SLC39A10: variants seen among roughly 807,000 people sequenced by gnomAD.
SLC39A10 encodes zinc transporter ZIP10.
In SLC39A10, 13 loss-of-function variants were observed where a neutral mutation model predicts 65.1. The ratio of observed to expected loss-of-function variants is 0.20; its 90% CI spans 0.13 to 0.32. The LOEUF (loss-of-function observed/expected upper bound fraction) is 0.32, where lower values mean the gene tolerates loss of function less well. SLC39A10 is among the 10% of genes least tolerant of loss of function. The pLI, the probability that SLC39A10 is intolerant of heterozygous loss-of-function variation, is 1.00. For synonymous variants in SLC39A10, 321 were observed against 342.2 expected (o/e 0.94, Z 0.68); for missense variants, 831 against 1,018.4 (o/e 0.82, Z 2.50).
chr2:195,718,162 A>G, intron 7 of SLC39A10, 90 bp from the exon 8 acceptor site: 2 of 1,018,388 alleles, frequency 2.0e-6, no homozygotes, highest in Non-Finnish European at 3.0e-6. Flanking sequence ...ATTAATTTAG[A>G]TAGGCAAAAG....
chr2:195,722,167 A>G (rs905686114), intron 8 of SLC39A10, among the ~76,000 whole-genome samples: 1 of 152,204 alleles, frequency 6.6e-6, no homozygotes, highest in African/African-American at 2.4e-5. Context: ...GTTTTATCCC[A>G]CAAATCAGAG....
intron 3 of SLC39A10, among the ~76,000 whole-genome samples, chr2:195,697,531 C>T (rs1301210734): frequency 6.6e-6 from 1 of 152,006 alleles, no homozygotes; most frequent in African/African-American, 2.4e-5. Context: ...ATTAGTCACC[C>T]AGGTATTAAG....
At chr2:195,678,849 G>A (rs1195907131) in intron 1 of SLC39A10, among the ~76,000 whole-genome samples, 1 of 152,016 alleles carries the variant, frequency 6.6e-6, no homozygotes, top group East Asian at 1.9e-4. Context: ...TTGATTAGAT[G>A]TTGAAATTAT....
At chr2:195,711,948 C>T (rs1265412428) in intron 5 of SLC39A10, among the ~76,000 whole-genome samples, 2 of 151,900 alleles carry the variant, frequency 1.3e-5, no homozygotes, top group Non-Finnish European at 2.9e-5. Context: ...CTGTGAATGT[C>T]TTAACTCTTC....
intron 2 of SLC39A10, among the ~76,000 whole-genome samples, chr2:195,636,964 C>T (rs1688708530): frequency 6.6e-6 from 1 of 152,022 alleles, no homozygotes; most frequent in South Asian, 2.1e-4. Flanking sequence ...AAAATATTTA[C>T]CATTTGGGGC....
chr2:195,681,696 A>T (rs1480712694), intron 2 of SLC39A10, among the ~76,000 whole-genome samples: 1 of 152,054 alleles, frequency 6.6e-6, no homozygotes, highest in African/African-American at 2.4e-5. Flanking sequence ...TGTATTCCTT[A>T]TGAATTATTT....
chr2:195,665,974 ATG>A (rs1428129772), intron 1 of SLC39A10, among the ~76,000 whole-genome samples: 1 of 152,202 alleles, frequency 6.6e-6, no homozygotes, highest in African/African-American at 2.4e-5. Context: ...ATTTTATACA[ATG>A]TGCCATTGTA....
chr2:195,628,952 T>C (rs757975987), intron 2 of SLC39A10, among the ~76,000 whole-genome samples: 1 of 152,214 alleles, frequency 6.6e-6, no homozygotes, highest in Non-Finnish European at 1.5e-5. Context: ...TGATGTCTCT[T>C]GTGTATTAAT....
intron 2 of SLC39A10, among the ~76,000 whole-genome samples, chr2:195,646,762 A>G (rs1482473571): frequency 6.6e-6 from 1 of 152,192 alleles, no homozygotes; most frequent in East Asian, 1.9e-4. Flanking sequence ...AAGCAGCAGC[A>G]TTAAATTCTC....
intron 1 of SLC39A10, among the ~76,000 whole-genome samples, chr2:195,671,100 A>T (rs1171793738): frequency 2.6e-5 from 4 of 152,198 alleles, no homozygotes; most frequent in African/African-American, 9.6e-5. Flanking sequence ...CCCACACCAA[A>T]GTATAATCAC....
chr2:195,633,879 CAG>C (rs546925593), intron 2 of SLC39A10, among the ~76,000 whole-genome samples: 208 of 152,272 alleles, frequency 1.4e-3, no homozygotes, highest in African/African-American at 4.5e-3. Context: ...GGTGGGAAAA[CAG>C]AGATATCAGT....
chr2:195,730,918 T>G (rs1692413655), intron 9 of SLC39A10, among the ~76,000 whole-genome samples: 1 of 152,208 alleles, frequency 6.6e-6, no homozygotes, highest in African/African-American at 2.4e-5. Context: ...ACATCTTGTT[T>G]GCCAGAAAGT....
At chr2:195,668,743 ATGAGT>A (rs1689735866) in intron 1 of SLC39A10, among the ~76,000 whole-genome samples, 3 of 152,228 alleles carry the variant, frequency 2.0e-5, no homozygotes, top group African/African-American at 7.2e-5. Context: ...TTTTAGTGAA[ATGAGT>A]TAAGTAGATT....
At chr2:195,643,807 G>A (rs1688856863) in intron 2 of SLC39A10, among the ~76,000 whole-genome samples, 2 of 152,164 alleles carry the variant, frequency 1.3e-5, no homozygotes, top group East Asian at 1.9e-4. Flanking sequence ...ATGTATCTCT[G>A]CTAAATAAGA....
At chr2:195,659,558 C>A (rs1341467004) in intron 1 of SLC39A10, among the ~76,000 whole-genome samples, 1 of 152,160 alleles carries the variant, frequency 6.6e-6, no homozygotes, top group Non-Finnish European at 1.5e-5. Flanking sequence ...ATATTCTGTT[C>A]ACCCAACCCT....
intron 2 of SLC39A10, among the ~76,000 whole-genome samples, chr2:195,639,160 C>G (rs181701491): frequency 6.6e-6 from 1 of 152,120 alleles, no homozygotes; most frequent in South Asian, 2.1e-4. Context: ...CTATGTTGCC[C>G]AGGCTGGTGG....
intron 1 of SLC39A10, among the ~76,000 whole-genome samples, chr2:195,665,579 T>TA (rs941413444): frequency 6.6e-6 from 1 of 152,230 alleles, no homozygotes; most frequent in African/African-American, 2.4e-5. Flanking sequence ...AACTAAAATT[T>TA]AATTTATAAT....
At chr2:195,659,861 AC>A (rs1249939119) in intron 1 of SLC39A10, among the ~76,000 whole-genome samples, 1 of 150,610 alleles carries the variant, frequency 6.6e-6, no homozygotes, top group Admixed American at 6.6e-5. Context: ...TTCTCCCTCC[AC>A]TCCCTCCTTG....
At chr2:195,661,505 G>C (rs548643311) in intron 1 of SLC39A10, among the ~76,000 whole-genome samples, 1 of 152,326 alleles carries the variant, frequency 6.6e-6, no homozygotes, top group Admixed American at 6.5e-5. Context: ...CTCCCAAAGT[G>C]CTGGGATTAC....
Sources: allele counts gnomAD v4.1 joint callset (sites outside exome capture counted in the v4.1 genomes callset), GRCh38; gene constraint gnomAD v4.1.1; transcripts MANE v1.5; gene names NCBI Gene and HGNC (gene_info 2026-07-23, HGNC 2026-07-21).